The following PTPRD variants were observed in gnomAD, a reference collection of about 807,000 sequenced individuals.
PTPRD encodes the protein receptor-type tyrosine-protein phosphatase delta.
A neutral mutation model predicts 214.5 loss-of-function variants in PTPRD; 34 were observed. That is an observed-to-expected ratio of 0.16 (90% confidence interval 0.12 to 0.21). PTPRD has a LOEUF of 0.21. Ranked by LOEUF, PTPRD falls within the 10% of genes least tolerant of loss-of-function variation. PTPRD has a pLI of 1.00. For missense variants in PTPRD, 2,545 were observed against 2,398.7 expected, an observed-to-expected ratio of 1.06 and a Z score of -1.27; for synonymous variants, 1,128 against 845.7, an observed-to-expected ratio of 1.33 and a Z score of -5.79.
chr9:9,102,122 T>C (rs2099792224), intron 10 of PTPRD, among the ~76,000 whole-genome samples: 1 of 152,226 alleles, frequency 6.6e-6, no homozygotes. Flanking sequence ...TCGTCTTTTA[T>C]GTAATTATTG....
At chr9:8,391,679 G>A (rs2089619834) in intron 36 of PTPRD, among the ~76,000 whole-genome samples, 1 of 152,138 alleles carries the variant, frequency 6.6e-6, no homozygotes, top group African/African-American at 2.4e-5. Context: ...TCACTCAGCT[G>A]CCAATATACA....
rs538063476 is a variant in PTPRD, at chr9:9,043,542, C to T, written c.-142-24807G>A. The stretch of plus-strand genomic sequence containing the variant: ...CAACTAAACCATCATGGAGAAGGTG[C>T]CACTCTATCTTTAAAAGAAAAATGG... On this transcript the variant is annotated intron_variant, in intron 10 of 45. Transcript: ENST00000381196. Among the ~76,000 whole-genome samples the T allele has an allele frequency of 1.4e-3, 207 of 152,206 alleles. 1 individual carries two copies. The highest frequency in any genetic ancestry group is 4.7e-3 in the African/African-American group (195 of 41,522).
Position 8,504,556 on chromosome 9 carries a change from A to C in PTPRD, c.1678-151T>G, listed in dbSNP as rs1334986645. 3.6e-6 allele frequency: 3 copies of C among 829,052 alleles called. No individual in the cohort carries two copies. The Admixed American group carries it at 8.1e-5, about 22-fold the overall frequency. The allele number at this position is 829,052 out of a possible 1,614,324, so 51.4% of individuals were successfully genotyped here. The stretch of plus-strand genomic sequence containing the variant: ...GTCAATAGTGAGTATCCAGGGCTAT[A>C]CTAAGGAAATTATATAATGAAAATA... On this transcript the variant is annotated intron_variant, in intron 22 of 45. Transcript: ENST00000381196.
intron 5 of PTPRD, among the ~76,000 whole-genome samples, chr9:9,770,410 C>A (rs1012529896): frequency 3.3e-5 from 5 of 151,978 alleles, no homozygotes; most frequent in African/African-American, 1.2e-4. Context: ...AAAATTTACA[C>A]CAAAATAACA....
At chr9:9,661,829 T>A (rs903835495) in intron 7 of PTPRD, among the ~76,000 whole-genome samples, 6 of 151,658 alleles carry the variant, frequency 4.0e-5, no homozygotes, top group African/African-American at 1.4e-4. Context: ...GAAAAAGACC[T>A]TGTGTAAATA....
chr9:8,799,521 G>A (rs778142046), intron 11 of PTPRD, among the ~76,000 whole-genome samples: 1 of 152,168 alleles, frequency 6.6e-6, no homozygotes, highest in African/African-American at 2.4e-5. Context: ...GTAGGGAAGA[G>A]GAAGGAAGTG....
chr9:10,310,521 A>C (rs1342480438), intron 3 of PTPRD, among the ~76,000 whole-genome samples: 1 of 152,074 alleles, frequency 6.6e-6, no homozygotes, highest in Non-Finnish European at 1.5e-5. Flanking sequence ...TTGATGAGGA[A>C]TGTAATGTTT....
intron 7 of PTPRD, among the ~76,000 whole-genome samples, chr9:9,636,231 C>A (rs1240807962): frequency 6.6e-6 from 1 of 152,200 alleles, no homozygotes; most frequent in East Asian, 1.9e-4. Flanking sequence ...TCAGGAAAGT[C>A]TTTCCCGACA....
At chr9:9,286,627 T>G (rs1297307514) in intron 9 of PTPRD, among the ~76,000 whole-genome samples, 2 of 151,392 alleles carry the variant, frequency 1.3e-5, no homozygotes, top group Non-Finnish European at 2.9e-5. Context: ...ATAGAACCTT[T>G]CCTGATGCCC....
intron 11 of PTPRD, among the ~76,000 whole-genome samples, chr9:9,003,871 G>T (rs1182426830): frequency 6.6e-6 from 1 of 151,990 alleles, no homozygotes; most frequent in Non-Finnish European, 1.5e-5. Flanking sequence ...ACTACACATA[G>T]GAACATGACA....
intron 8 of PTPRD, among the ~76,000 whole-genome samples, chr9:9,499,529 T>C (rs1275313314): frequency 2.6e-5 from 4 of 152,144 alleles, no homozygotes; most frequent in African/African-American, 9.6e-5. Flanking sequence ...TCATTTATCT[T>C]CAAACATTTA....
chr9:8,607,524 T>C (rs1237384732), intron 14 of PTPRD, among the ~76,000 whole-genome samples: 2 of 152,032 alleles, frequency 1.3e-5, no homozygotes, highest in African/African-American at 4.8e-5. Context: ...GCGCCTGTAA[T>C]ACCAGCTGCT....
At chr9:10,176,775 T>C in intron 3 of PTPRD, among the ~76,000 whole-genome samples, 1 of 151,948 alleles carries the variant, frequency 6.6e-6, no homozygotes, top group East Asian at 1.9e-4. Context: ...AAGTACTACA[T>C]TCCAAAGAAG....
intron 11 of PTPRD, among the ~76,000 whole-genome samples, chr9:8,963,467 AG>A (rs1054244185): frequency 1.3e-5 from 2 of 152,170 alleles, no homozygotes; most frequent in African/African-American, 2.4e-5. Context: ...CAAAACATGT[AG>A]GGATGTTGGA....
At chr9:8,600,516 T>C (rs181317514) in intron 14 of PTPRD, among the ~76,000 whole-genome samples, 1 of 151,194 alleles carries the variant, frequency 6.6e-6, no homozygotes, top group African/African-American at 2.4e-5. Flanking sequence ...TCCTTCTGCT[T>C]GAGAATAGAA....
chr9:9,347,768 G>T (rs893080443), intron 9 of PTPRD, among the ~76,000 whole-genome samples: 1 of 152,126 alleles, frequency 6.6e-6, no homozygotes, highest in African/African-American at 2.4e-5. Flanking sequence ...CAACACTGAA[G>T]CAAAGTGTAA....
chr9:9,215,593 G>A (rs1230895879), intron 9 of PTPRD, among the ~76,000 whole-genome samples: 4 of 152,142 alleles, frequency 2.6e-5, no homozygotes, highest in Non-Finnish European at 5.9e-5. Context: ...CAGGAACTGG[G>A]CACCAGATTG....
chr9:9,901,049 T>C (rs1308787438), intron 5 of PTPRD, among the ~76,000 whole-genome samples: 1 of 152,142 alleles, frequency 6.6e-6, no homozygotes, highest in East Asian at 1.9e-4. Flanking sequence ...TGTACAACAA[T>C]GGCACCAGCA....
chr9:10,280,698 C>T (rs2095052733), intron 3 of PTPRD, among the ~76,000 whole-genome samples: 1 of 152,082 alleles, frequency 6.6e-6, no homozygotes, highest in South Asian at 2.1e-4. Context: ...GCTGCCCCAA[C>T]CTCCTAGATT....
Sources: allele counts gnomAD v4.1 joint callset (sites outside exome capture counted in the v4.1 genomes callset), GRCh38; gene constraint gnomAD v4.1.1; transcripts MANE v1.5; gene names NCBI Gene and HGNC (gene_info 2026-07-23, HGNC 2026-07-21).